Variants in THSD7B observed in about 807,000 individuals in gnomAD.
THSD7B encodes thrombospondin type 1 domain containing 7B, also known as thrombospondin type-1 domain-containing protein 7B.
In THSD7B, 138 loss-of-function variants were observed where a neutral mutation model predicts 213.6. That is an observed-to-expected ratio of 0.65 (90% confidence interval 0.56 to 0.74). THSD7B has a LOEUF of 0.74. Among genes scored for constraint, THSD7B ranks in the 30% least tolerant of loss-of-function variants. The pLI, the probability that THSD7B is intolerant of heterozygous loss-of-function variation, is 0.00. For missense variants in THSD7B, 1,931 were observed against 1,991.5 expected (o/e 0.97, Z 0.58); for synonymous variants, 742 against 687.0 (o/e 1.08, Z -1.25).
At chr2:137,130,376 TTTA>T (rs150551557) in intron 5 of THSD7B, among the ~76,000 whole-genome samples, 5 of 151,880 alleles carry the variant, frequency 3.3e-5, no homozygotes, top group South Asian at 2.1e-4. Context: ...GCCTCACCTT[TTTA>T]TTATTATTAT....
At chr2:137,395,098 T>C (rs1275501383) in intron 12 of THSD7B, among the ~76,000 whole-genome samples, 4 of 142,908 alleles carry the variant, frequency 2.8e-5, no homozygotes, top group Admixed American at 2.1e-4. Context: ...TAAAATCATG[T>C]CATCTGCAAA....
chr2:137,271,584 C>T (rs79894295), intron 10 of THSD7B, among the ~76,000 whole-genome samples: 3,894 of 150,722 alleles, frequency 0.026, 100 homozygotes, highest in Middle Eastern at 0.097. Flanking sequence ...GATCCCTCTT[C>T]GGTTGCCACA....
At chr2:136,963,370 C>T (rs1200124071) in intron 2 of THSD7B, among the ~76,000 whole-genome samples, 9 of 152,124 alleles carry the variant, frequency 5.9e-5, no homozygotes, top group South Asian at 2.1e-4. Context: ...AAGGAAAGAA[C>T]GGGGCTGAAT....
In THSD7B at chr2:136,778,981, A is replaced by G. The variant is rs760065464; in HGVS notation, c.-36+13294A>G. On this transcript the variant is annotated intron_variant, in intron 1 of 27. Transcript: ENST00000409968. ...GACTCAGGCCATCAAAATCATCCCA[A>G]AAGTACACTTTAAAATCCAACAAGT... 2.0e-4 allele frequency among the ~76,000 whole-genome samples: 31 copies of G among 152,332 alleles called. No homozygotes were observed. In the Middle Eastern group the frequency reaches 0.014, roughly 67 times the overall value.
intron 14 of THSD7B, among the ~76,000 whole-genome samples, chr2:137,433,888 C>G (rs977642247): frequency 6.6e-6 from 1 of 152,132 alleles, no homozygotes; most frequent in African/African-American, 2.4e-5. Flanking sequence ...TTCAGCTGCC[C>G]TTTGGGTACC....
chr2:136,811,089 C>T (rs1037316863), intron 1 of THSD7B, among the ~76,000 whole-genome samples: 7 of 152,276 alleles, frequency 4.6e-5, no homozygotes, highest in African/African-American at 1.7e-4. Flanking sequence ...ATTCACAACT[C>T]AGGTCCCCTG....
chr2:137,268,715 A>G (rs886849830), intron 10 of THSD7B, among the ~76,000 whole-genome samples: 1 of 152,018 alleles, frequency 6.6e-6, no homozygotes, highest in East Asian at 1.9e-4. Context: ...CTGACCTCCT[A>G]TCTCAGCCTG....
chr2:137,086,465 T>C (rs1256405410), intron 3 of THSD7B, among the ~76,000 whole-genome samples: 1 of 152,200 alleles, frequency 6.6e-6, no homozygotes, highest in East Asian at 1.9e-4. Flanking sequence ...TTCTGTCTCC[T>C]TCTCTGACTT....
intron 10 of THSD7B, among the ~76,000 whole-genome samples, chr2:137,249,635 C>T (rs879425690): frequency 2.0e-5 from 3 of 152,160 alleles, no homozygotes; most frequent in Non-Finnish European, 2.9e-5. Context: ...GGAGGTAAGT[C>T]TAATCATACA....
intron 27 of THSD7B, among the ~76,000 whole-genome samples, chr2:137,673,147 A>AT (rs1353109316): frequency 1.3e-5 from 2 of 152,206 alleles, no homozygotes; most frequent in African/African-American, 4.8e-5. Flanking sequence ...TGGCTTGAGA[A>AT]TGAGTCCTTG....
chr2:137,062,477 A>C (rs1167477146), intron 3 of THSD7B, among the ~76,000 whole-genome samples: 1 of 151,628 alleles, frequency 6.6e-6, no homozygotes, highest in Non-Finnish European at 1.5e-5. Flanking sequence ...CAATTTCCTC[A>C]AGCCCTTTCT....
At chr2:136,885,416 C>T (rs1255296359) in intron 2 of THSD7B, among the ~76,000 whole-genome samples, 2 of 152,130 alleles carry the variant, frequency 1.3e-5, no homozygotes, top group Non-Finnish European at 2.9e-5. Flanking sequence ...GAGTTGTAGG[C>T]TGCAAGGTCA....
intron 12 of THSD7B, among the ~76,000 whole-genome samples, chr2:137,390,265 T>C (rs1332155189): frequency 6.6e-6 from 1 of 152,136 alleles, no homozygotes; most frequent in Non-Finnish European, 1.5e-5. Context: ...GTTCACCTCC[T>C]TGGTTAAATT....
intron 2 of THSD7B, among the ~76,000 whole-genome samples, chr2:136,994,207 A>G (rs557397275): frequency 2.0e-5 from 3 of 152,336 alleles, no homozygotes; most frequent in South Asian, 4.1e-4. Context: ...TAAACTGCTC[A>G]GTTTGTAAGA....
At chr2:137,665,477 A>T (rs1242056265) in intron 26 of THSD7B, among the ~76,000 whole-genome samples, 1 of 151,836 alleles carries the variant, frequency 6.6e-6, no homozygotes, top group Non-Finnish European at 1.5e-5. Context: ...ATATATATAG[A>T]TAAGTATATA....
chr2:137,305,216 G>A (rs58161973), intron 12 of THSD7B, among the ~76,000 whole-genome samples: 5,745 of 152,232 alleles, frequency 0.038, 179 homozygotes, highest in Middle Eastern at 0.12. Context: ...CAGGTCAGAA[G>A]TCTTATGCCA....
chr2:136,996,012 T>C (rs1204656266), intron 2 of THSD7B, among the ~76,000 whole-genome samples: 1 of 152,190 alleles, frequency 6.6e-6, no homozygotes, highest in Non-Finnish European at 1.5e-5. Flanking sequence ...GAATCATCTT[T>C]ACTTTTTATT....
At chr2:136,854,946 C>T (rs1470885010) in intron 1 of THSD7B, among the ~76,000 whole-genome samples, 1 of 152,076 alleles carries the variant, frequency 6.6e-6, no homozygotes, top group Non-Finnish European at 1.5e-5. Flanking sequence ...TTTTAAATTT[C>T]TCTTTAAAAT....
intron 5 of THSD7B, among the ~76,000 whole-genome samples, chr2:137,129,495 G>A (rs1027483366): frequency 3.3e-5 from 5 of 151,736 alleles, no homozygotes; most frequent in African/African-American, 1.2e-4. Flanking sequence ...GCTGGAGTGT[G>A]GTGGCGCCAT....
Sources: gnomAD v4.1 joint callset for allele counts (sites outside exome capture counted in the v4.1 genomes callset) on GRCh38, gnomAD v4.1.1 for gene constraint, MANE v1.5 for transcripts, NCBI Gene and HGNC (gene_info 2026-07-23, HGNC 2026-07-21) for gene names.